The following NAALADL2 variants were observed in gnomAD, a reference collection of about 807,000 sequenced individuals.
NAALADL2 encodes N-acetylated alpha-linked acidic dipeptidase like 2.
A neutral mutation model predicts 87.2 loss-of-function variants in NAALADL2; 76 were observed. The ratio of observed to expected loss-of-function variants is 0.87; its 90% CI spans 0.72 to 1.05. The LOEUF (loss-of-function observed/expected upper bound fraction) is 1.05. Among genes scored for constraint, NAALADL2 ranks in the 50% least tolerant of loss-of-function variants. NAALADL2 has a pLI of 0.00. For missense variants in NAALADL2, 1,089 were observed against 945.8 expected, an observed-to-expected ratio of 1.15 and a Z score of -1.99; for synonymous variants, 354 against 331.0, an observed-to-expected ratio of 1.07 and a Z score of -0.75.
intron 2 of NAALADL2, among the ~76,000 whole-genome samples, chr3:174,691,629 A>G (rs1348928138): frequency 1.3e-5 from 2 of 151,700 alleles, no homozygotes; most frequent in Non-Finnish European, 2.9e-5. Context: ...ACATCAATTT[A>G]CTCTTCCTTT....
At chr3:175,064,203 A>G (rs1268153509) in intron 1 of NAALADL2, among the ~76,000 whole-genome samples, 12 of 150,646 alleles carry the variant, frequency 8.0e-5, no homozygotes, top group Admixed American at 4.0e-4. Flanking sequence ...GTGTTAGGAT[A>G]GAGATTTGCC....
chr3:174,712,023 G>C (rs750049994), intron 2 of NAALADL2, among the ~76,000 whole-genome samples: 1 of 151,964 alleles, frequency 6.6e-6, no homozygotes, highest in African/African-American at 2.4e-5. Context: ...TCCTGACCTT[G>C]TGATCCACCC....
At chr3:175,707,424 G>A (rs1293553166) in intron 11 of NAALADL2, among the ~76,000 whole-genome samples, 1 of 152,032 alleles carries the variant, frequency 6.6e-6, no homozygotes, top group Non-Finnish European at 1.5e-5. Flanking sequence ...AAGAAGGAGT[G>A]GGCTAGATTT....
At chr3:174,982,829 G>A (rs761177874) in intron 1 of NAALADL2, among the ~76,000 whole-genome samples, 22 of 151,248 alleles carry the variant, frequency 1.5e-4, no homozygotes, top group Non-Finnish European at 2.5e-4. Context: ...ACGGAGTCTC[G>A]CTCTGTTGCC....
chr3:175,633,769 G>C, intron 11 of NAALADL2, among the ~76,000 whole-genome samples: 1 of 151,574 alleles, frequency 6.6e-6, no homozygotes, highest in East Asian at 1.9e-4. Context: ...CAATGGCATA[G>C]GATATATAAG....
chr3:174,750,947 A>G (rs1010173591), intron 3 of NAALADL2, among the ~76,000 whole-genome samples: 2 of 152,090 alleles, frequency 1.3e-5, no homozygotes, highest in Non-Finnish European at 2.9e-5. Context: ...CTATATGCCA[A>G]TTGTATGCAT....
Position 174,610,557 on chromosome 3 carries a change from G to T in NAALADL2, c.-115+59920G>T, listed in dbSNP as rs550427519. Among the ~76,000 whole-genome samples the T allele has an allele frequency of 5.6e-3, 851 of 152,200 alleles. 10 individuals are homozygous for T. The highest frequency in any genetic ancestry group is 0.02 in the African/African-American group (820 of 41,540). On this transcript the variant is annotated intron_variant, in intron 2 of 3. Transcript: ENST00000434257. Reference sequence around the variant, plus strand: ...AGACATTTATGCAGCCAAAAAACACGTGAAAAAATGCTCACCATCACTGGC... The same window carrying T: ...AGACATTTATGCAGCCAAAAAACACTTGAAAAAATGCTCACCATCACTGGC...
chr3:175,205,982 T>G lies in NAALADL2; in HGVS notation c.546-27949T>G, dbSNP rs1015272814. On this transcript the variant is annotated intron_variant, in intron 2 of 13. Transcript: ENST00000454872. ...TGAGGATACAGTGATCAGGGAACAC[T>G]TCCAGACTGCTGGTAGGAATGTAAA... Among the ~76,000 whole-genome samples the G allele has an allele frequency of 2.0e-5, 3 of 151,994 alleles. No individual in the cohort carries two copies. The East Asian group carries it at 5.8e-4, about 30-fold the overall frequency.
intron 1 of NAALADL2, among the ~76,000 whole-genome samples, chr3:174,882,696 T>C (rs916829216): frequency 6.1e-5 from 9 of 148,212 alleles, no homozygotes; most frequent in African/African-American, 2.2e-4. Flanking sequence ...TATCCGTGTA[T>C]ATACATGTGT....
chr3:175,300,400 C>T (rs193039176), intron 4 of NAALADL2, among the ~76,000 whole-genome samples: 2,023 of 152,284 alleles, frequency 0.013, 48 homozygotes, highest in African/African-American at 0.046. Flanking sequence ...TAGAATTCAG[C>T]TGTGAATCCA....
intron 6 of NAALADL2, among the ~76,000 whole-genome samples, chr3:175,462,496 A>G (rs188690732): frequency 1.7e-3 from 253 of 152,316 alleles, no homozygotes; most frequent in Non-Finnish European, 3.2e-3. Flanking sequence ...ATCTAGCAGT[A>G]AGAAGTGACA....
At chr3:175,462,698 C>T (rs751502390) in intron 6 of NAALADL2, among the ~76,000 whole-genome samples, 11 of 152,260 alleles carry the variant, frequency 7.2e-5, no homozygotes, top group Non-Finnish European at 1.6e-4. Context: ...ATTTCATCTC[C>T]AGAGACTATG....
At chr3:174,856,273 T>C (rs1725860047), upstream of NAALADL2, among the ~76,000 whole-genome samples, 1 of 152,146 alleles carries the variant, frequency 6.6e-6, no homozygotes. Context: ...CCCAAAGTGC[T>C]GGGATTACAG....
chr3:175,562,334 T>C (rs1276726610), intron 9 of NAALADL2, among the ~76,000 whole-genome samples: 7 of 152,108 alleles, frequency 4.6e-5, no homozygotes, highest in African/African-American at 1.7e-4. Flanking sequence ...CCTGGTGAAC[T>C]GCAATAAGTA....
intron 5 of NAALADL2, among the ~76,000 whole-genome samples, chr3:175,335,341 A>G (rs1761869418): frequency 6.6e-6 from 1 of 152,240 alleles, no homozygotes; most frequent in Admixed American, 6.5e-5. Context: ...TGCAGAATAA[A>G]TAGATGTCTA....
At chr3:174,797,378 C>T in intron 3 of NAALADL2, among the ~76,000 whole-genome samples, 1 of 123,016 alleles carries the variant, frequency 8.1e-6, no homozygotes, top group Non-Finnish European at 1.6e-5. Flanking sequence ...ATGGCGTGAT[C>T]TCAGCTTACT....
chr3:175,178,494 TGA>T (rs568482923), intron 2 of NAALADL2, among the ~76,000 whole-genome samples: 58 of 152,176 alleles, frequency 3.8e-4, no homozygotes, highest in Admixed American at 3.4e-3. Context: ...GATGATCACG[TGA>T]GTTTATTACA....
At chr3:174,442,492 C>T (rs927779993) in intron 1 of NAALADL2, among the ~76,000 whole-genome samples, 1 of 151,978 alleles carries the variant, frequency 6.6e-6, no homozygotes, top group Non-Finnish European at 1.5e-5. Flanking sequence ...TTCCTGATAA[C>T]ATAAAAAGAG....
chr3:174,450,535 G>A (rs995021560), intron 1 of NAALADL2, among the ~76,000 whole-genome samples: 1 of 152,078 alleles, frequency 6.6e-6, no homozygotes, highest in Non-Finnish European at 1.5e-5. Context: ...TCTTGAGAAA[G>A]GAACTCAGAT....
Sources: allele counts gnomAD v4.1 joint callset (sites outside exome capture counted in the v4.1 genomes callset), GRCh38; gene constraint gnomAD v4.1.1; transcripts MANE v1.5; gene names NCBI Gene and HGNC (gene_info 2026-07-23, HGNC 2026-07-21).